Variants in NME9 observed in about 807,000 individuals in gnomAD.
NME9 encodes NME/NM23 family member 9, also known as thioredoxin domain-containing protein 6.
A neutral mutation model predicts 44.4 loss-of-function variants in NME9; 48 were observed. That is an observed-to-expected ratio of 1.08 (90% CI 0.86 to 1.37). The LOEUF is 1.37. NME9 is among the 40% of genes most tolerant of loss of function. NME9 has a pLI of 0.00. For synonymous variants in NME9, 139 were observed against 147.1 expected (o/e 0.94, Z 0.40); for missense variants, 325 against 405.2 (o/e 0.80, Z 1.70).
intron 8 of NME9, chr3:138,270,181 A>G (rs369346893): frequency 2.9e-5 from 38 of 1,321,782 alleles, no homozygotes; most frequent in African/African-American, 7.2e-5. Flanking sequence ...GAATACAGCT[A>G]TTGTCTAAGT....
At chr3:138,262,646 A>C in intron 8 of NME9, 9 of 1,491,192 alleles carry the variant, frequency 6.0e-6, no homozygotes, top group Non-Finnish European at 8.0e-6. Context: ...TGGAGAATCT[A>C]ATTTAATTGG....
intron 8 of NME9, among the ~76,000 whole-genome samples, chr3:138,286,945 T>G (rs544764943): frequency 6.6e-6 from 1 of 152,214 alleles, no homozygotes; most frequent in Non-Finnish European, 1.5e-5. Context: ...TGTCCCCTCA[T>G]TCACTCAATT....
At chr3:138,270,631 TG>T (rs2048702207) in intron 8 of NME9, among the ~76,000 whole-genome samples, 1 of 152,200 alleles carries the variant, frequency 6.6e-6, no homozygotes, top group Non-Finnish European at 1.5e-5. Flanking sequence ...AAATAGATTG[TG>T]GGATGGCTAA....
intron 2 of NME9, among the ~76,000 whole-genome samples, chr3:138,322,404 G>A (rs1025243256): frequency 6.6e-5 from 10 of 151,974 alleles, no homozygotes; most frequent in African/African-American, 2.4e-4. Flanking sequence ...GGACCAGAGA[G>A]GAAGTGTTTG....
chr3:138,264,507 C>T (rs546104913), intron 8 of NME9, among the ~76,000 whole-genome samples: 295 of 149,546 alleles, frequency 2.0e-3, no homozygotes, highest in Non-Finnish European at 3.3e-3. Context: ...GCAACCTCCA[C>T]CTCCCCGGTT....
chr3:138,308,954 A>AAC (rs1277262359), intron 6 of NME9, among the ~76,000 whole-genome samples: 1 of 150,548 alleles, frequency 6.6e-6, no homozygotes, highest in African/African-American at 2.4e-5. Flanking sequence ...AGAAAAAAAA[A>AAC]AAAAAAAAAA....
chr3:138,283,844 A>T (rs143725678), intron 8 of NME9, among the ~76,000 whole-genome samples: 84 of 152,300 alleles, frequency 5.5e-4, no homozygotes, highest in Non-Finnish European at 1.1e-3. Context: ...GTTGCTTCAT[A>T]CATTTTACTT....
In NME9 at chr3:138,301,602, C is replaced by T. The variant is rs2051850568; in HGVS notation, c.*38G>A. ...CCGGAGGTCTGTTTTGTGCAGTAGA[C>T]CCCTGGTCACGTGCTCTGGAAGAGC... is the stretch of plus-strand genomic sequence containing the variant. On this transcript the variant is annotated 3_prime_UTR_variant, in exon 11 of 11. Coordinates refer to ENST00000333911, the MANE Select transcript of NME9 (RefSeq NM_001349018.2). 1 of 1,535,836 alleles carries T rather than the reference C, an allele frequency of 6.5e-7. No individual in the cohort carries two copies. Among genetic ancestry groups the T allele is most frequent in the South Asian group, 1.2e-5 (1 of 84,020 alleles).
intron 8 of NME9, chr3:138,295,771 C>A: frequency 6.8e-7 from 1 of 1,474,612 alleles, no homozygotes; most frequent in Non-Finnish European, 9.4e-7. Context: ...CTTTTTTAGA[C>A]TTCCCCAGCT....
intron 8 of NME9, among the ~76,000 whole-genome samples, chr3:138,284,692 A>C (rs1577015221): frequency 6.6e-6 from 1 of 152,152 alleles, no homozygotes; most frequent in African/African-American, 2.4e-5. Context: ...AGAAAAAAAC[A>C]CCAACTCCTT....
chr3:138,289,045 T>C, intron 8 of NME9: 1 of 1,611,622 alleles, frequency 6.2e-7, no homozygotes. Context: ...TCTGTATTAA[T>C]AGGGCCATTC....
chr3:138,306,724 G>C (rs1391601301), intron 6 of NME9, among the ~76,000 whole-genome samples: 1 of 152,238 alleles, frequency 6.6e-6, no homozygotes, highest in Non-Finnish European at 1.5e-5. Context: ...GCAAGGAACA[G>C]AGACTCAGAG....
chr3:138,319,518 A>T lies in NME9; in HGVS notation c.155T>A (p.Met52Lys). The change falls in exon 3 of 11, where the codon ATG becomes AAG. Residue 52 changes from methionine to lysine, a missense_variant. By Grantham distance (95) the Met-to-Lys change is moderately conservative. Transcript: ENST00000333911. ...CKPVVSLFQK[M>K]RIEVGLDLLH... ...AAGGTCCAGGCCGACCTCGATCCTC[A>T]TCTTCTGGAAGAGGCTCACCACAGG... 6.2e-7 allele frequency: 1 copy of T among 1,613,162 alleles called. No individual in the cohort carries two copies. The highest frequency in any genetic ancestry group is 8.5e-7 in the Non-Finnish European group (1 of 1,179,114).
intron 6 of NME9, 31 bp from the exon 7 acceptor site, chr3:138,306,511 G>A (rs375136419): frequency 1.4e-4 from 188 of 1,390,904 alleles, no homozygotes; most frequent in Admixed American, 4.9e-4. Context: ...GTCAGATGCT[G>A]ATGTTTGAGG....
chr3:138,299,942 CCA>C (rs1040520492), downstream of NME9, among the ~76,000 whole-genome samples: 10 of 152,156 alleles, frequency 6.6e-5, no homozygotes, highest in Non-Finnish European at 1.5e-4. Flanking sequence ...TCATTCAGAG[CCA>C]CACACACCTG....
At chr3:138,265,044 T>C (rs1394325811) in intron 8 of NME9, among the ~76,000 whole-genome samples, 1 of 151,932 alleles carries the variant, frequency 6.6e-6, no homozygotes, top group Non-Finnish European at 1.5e-5. Context: ...ACTACAGGTA[T>C]GTGCCACTAT....
At chr3:138,324,497 C>A (rs1250796482) in intron 2 of NME9, 4 of 464,638 alleles carry the variant, frequency 8.6e-6, no homozygotes, top group Non-Finnish European at 1.7e-5. Flanking sequence ...CTAATGACTG[C>A]AGTCCCAGGT....
At chr3:138,279,807 C>T (rs938428801) in intron 8 of NME9, among the ~76,000 whole-genome samples, 1 of 152,104 alleles carries the variant, frequency 6.6e-6, no homozygotes, top group African/African-American at 2.4e-5. Flanking sequence ...TCTAAGTTTT[C>T]AAATTTGTTA....
intron 6 of NME9, among the ~76,000 whole-genome samples, chr3:138,307,999 C>T (rs1045186873): frequency 6.6e-6 from 1 of 151,980 alleles, no homozygotes; most frequent in Non-Finnish European, 1.5e-5. Context: ...GTGAAGGTGG[C>T]CTAGAGTGTG....
Sources: allele counts gnomAD v4.1 joint callset (sites outside exome capture counted in the v4.1 genomes callset), GRCh38; gene constraint gnomAD v4.1.1; transcripts MANE v1.5; gene names NCBI Gene and HGNC (gene_info 2026-07-23, HGNC 2026-07-21).